The following KCNAB1 variants were observed in gnomAD, a reference collection of about 807,000 sequenced individuals.
The protein encoded by KCNAB1 is voltage-gated potassium channel subunit beta-1.
In KCNAB1, 35 loss-of-function variants were observed where a neutral mutation model predicts 64.6. The observed-to-expected ratio is 0.54, with a 90% confidence interval of 0.41 to 0.72. The LOEUF is 0.72. KCNAB1 is among the 30% of genes least tolerant of loss of function. The pLI, the probability that KCNAB1 is intolerant of heterozygous loss-of-function variation, is 0.00. For missense variants in KCNAB1, 401 were observed against 512.9 expected, an observed-to-expected ratio of 0.78 and a Z score of 2.11; for synonymous variants, 177 against 183.8, an observed-to-expected ratio of 0.96 and a Z score of 0.30.
At chr3:156,398,725 A>T (rs527399821) in intron 1 of KCNAB1, among the ~76,000 whole-genome samples, 6 of 149,036 alleles carry the variant, frequency 4.0e-5, no homozygotes, top group Admixed American at 3.3e-4. Flanking sequence ...ACTTAAAGTT[A>T]TATATATATA....
intron 1 of KCNAB1, among the ~76,000 whole-genome samples, chr3:156,393,621 T>C (rs1452428958): frequency 6.6e-6 from 1 of 152,228 alleles, no homozygotes; most frequent in African/African-American, 2.4e-5. Flanking sequence ...CCTATGCTAC[T>C]ATTCTTGCAT....
At chr3:156,393,546 T>C (rs1713200918) in intron 1 of KCNAB1, among the ~76,000 whole-genome samples, 1 of 152,204 alleles carries the variant, frequency 6.6e-6, no homozygotes, top group Non-Finnish European at 1.5e-5. Context: ...ATAATGATTA[T>C]ATCAAGTCAA....
intron 1 of KCNAB1, among the ~76,000 whole-genome samples, chr3:156,321,495 C>A (rs1202520459): frequency 6.6e-6 from 1 of 152,240 alleles, no homozygotes. Context: ...TATTTGAACA[C>A]AAACAGCACT....
intron 1 of KCNAB1, among the ~76,000 whole-genome samples, chr3:156,185,854 A>C (rs1185506321): frequency 6.6e-6 from 1 of 152,162 alleles, no homozygotes; most frequent in African/African-American, 2.4e-5. Context: ...CCTCTAATTC[A>C]AGATTGTCAA....
In KCNAB1 at chr3:156,504,746, T is replaced by G. The variant is rs530265776; in HGVS notation, c.659-9618T>G. Among the ~76,000 whole-genome samples, 128 of 130,404 alleles carry G rather than the reference T, an allele frequency of 9.8e-4. 1 individual carries two copies. The highest frequency in any genetic ancestry group is 1.5e-3 in the Non-Finnish European group (94 of 60,824). 85.6% of individuals were successfully genotyped at this position (130,404 alleles called of 152,430 possible). ...TGGATTACTTGTTTTGTTTTTGTTT[T>G]TTTTGTTTTTTTTTTTTTGCTGCTG... On this transcript the variant is annotated intron_variant, in intron 8 of 13. Coordinates refer to ENST00000490337, the MANE Select transcript of KCNAB1 (RefSeq NM_172160.3).
intron 1 of KCNAB1, among the ~76,000 whole-genome samples, chr3:156,312,699 TCTCCAAAAAAAAAAA>T (rs901199521): frequency 1.3e-3 from 68 of 50,812 alleles, no homozygotes; most frequent in Non-Finnish European, 1.9e-3. Context: ...AGTGAGACTG[TCTCCAAAAAAAAAAA>T]AAAAAAAAAA....
At chr3:156,392,069 G>A (rs1412148357) in intron 1 of KCNAB1, among the ~76,000 whole-genome samples, 1 of 152,106 alleles carries the variant, frequency 6.6e-6, no homozygotes, top group Non-Finnish European at 1.5e-5. Flanking sequence ...TCCTCAGAGA[G>A]GACTTCCAAT....
At chr3:156,262,022 A>G (rs1291225959) in intron 1 of KCNAB1, among the ~76,000 whole-genome samples, 1 of 151,774 alleles carries the variant, frequency 6.6e-6, no homozygotes, top group East Asian at 1.9e-4. Flanking sequence ...TTGGCTGTTC[A>G]TTGCTAGTAT....
At chr3:156,181,744 A>G (rs991674314) in intron 1 of KCNAB1, among the ~76,000 whole-genome samples, 1 of 152,232 alleles carries the variant, frequency 6.6e-6, no homozygotes, top group African/African-American at 2.4e-5. Flanking sequence ...AGGAGGAGTT[A>G]AAAAAGGCTC....
At chr3:156,251,341 T>C (rs1425366393) in intron 1 of KCNAB1, among the ~76,000 whole-genome samples, 1 of 152,170 alleles carries the variant, frequency 6.6e-6, no homozygotes, top group Non-Finnish European at 1.5e-5. Context: ...TTATTACCAA[T>C]ATGTAAGATT....
chr3:156,427,797 G>T (rs1353199181), intron 2 of KCNAB1, among the ~76,000 whole-genome samples: 1 of 152,176 alleles, frequency 6.6e-6, no homozygotes, highest in East Asian at 1.9e-4. Context: ...TGGGGTCTAG[G>T]CTGGGTTTAG....
At chr3:156,303,615 G>A (rs554793924) in intron 1 of KCNAB1, among the ~76,000 whole-genome samples, 1 of 152,150 alleles carries the variant, frequency 6.6e-6, no homozygotes, top group East Asian at 1.9e-4. Flanking sequence ...ATAGGGATAG[G>A]AGGATATTGC....
At chr3:156,335,867 T>TTA (rs927113915) in intron 1 of KCNAB1, among the ~76,000 whole-genome samples, 2 of 151,818 alleles carry the variant, frequency 1.3e-5, no homozygotes, top group Non-Finnish European at 1.5e-5. Context: ...TTTTTTTTTT[T>TTA]TTGCATTACA....
intron 11 of KCNAB1, among the ~76,000 whole-genome samples, chr3:156,521,446 CCCT>C (rs1326741718): frequency 6.6e-6 from 1 of 152,178 alleles, no homozygotes; most frequent in African/African-American, 2.4e-5. Context: ...TTGGTTGAGC[CCCT>C]CCTCCTTGCC....
chr3:156,494,425 T>C (rs1186558253), intron 8 of KCNAB1, among the ~76,000 whole-genome samples: 1 of 152,126 alleles, frequency 6.6e-6, no homozygotes, highest in Non-Finnish European at 1.5e-5. Context: ...TAGTTAAATT[T>C]AAACACCCTC....
chr3:156,506,594 A>G (rs1366460105), intron 8 of KCNAB1, among the ~76,000 whole-genome samples: 2 of 152,228 alleles, frequency 1.3e-5, no homozygotes, highest in Admixed American at 6.5e-5. Flanking sequence ...CATTGCCTTC[A>G]GAGACATAAA....
intron 8 of KCNAB1, among the ~76,000 whole-genome samples, chr3:156,510,591 G>T (rs1407839132): frequency 1.3e-5 from 2 of 152,134 alleles, no homozygotes; most frequent in Non-Finnish European, 2.9e-5. Flanking sequence ...TGAATGCATT[G>T]TGTTTAAGGC....
intron 1 of KCNAB1, among the ~76,000 whole-genome samples, chr3:156,340,184 G>C (rs1724002591): frequency 6.6e-6 from 1 of 151,954 alleles, no homozygotes; most frequent in African/African-American, 2.4e-5. Context: ...TCCTTTCCTA[G>C]AGTGCAGTGG....
At chr3:156,291,036 C>A in intron 1 of KCNAB1, 5 of 985,824 alleles carry the variant, frequency 5.1e-6, no homozygotes, top group Non-Finnish European at 6.0e-6. Flanking sequence ...TGCCTTCCCC[C>A]AGTTCCAACT....
Sources: gnomAD v4.1 joint callset for allele counts (sites outside exome capture counted in the v4.1 genomes callset) on GRCh38, gnomAD v4.1.1 for gene constraint, MANE v1.5 for transcripts, NCBI Gene and HGNC (gene_info 2026-07-23, HGNC 2026-07-21) for gene names.